FLYWCH2: variants seen among roughly 807,000 people sequenced by gnomAD.
FLYWCH2 encodes the protein FLYWCH family member 2.
FLYWCH2 carries 2 observed loss-of-function variants against 6.0 expected under a neutral mutation model. The ratio of observed to expected loss-of-function variants is 0.33; its 90% confidence interval spans 0.14 to 1.04. The LOEUF (loss-of-function observed/expected upper bound fraction) is 1.04, where lower values mean the gene tolerates loss of function less well. Among genes scored for constraint, FLYWCH2 ranks in the 50% least tolerant of loss-of-function variants. FLYWCH2 has a pLI of 0.45. For missense variants in FLYWCH2, 192 were observed against 183.4 expected (o/e 1.05, Z -0.27); for synonymous variants, 87 against 79.3 (o/e 1.10, Z -0.52).
At chr16:2,898,866 C>G (rs756636674) in intron 3 of FLYWCH2, 183 bp from the exon 4 acceptor site, 7 of 490,540 alleles carry the variant, frequency 1.4e-5, no homozygotes, top group Non-Finnish European at 2.5e-5. Flanking sequence ...CTTTTGTGGC[C>G]CTGGCCTGGT....
intron 1 of FLYWCH2, among the ~76,000 whole-genome samples, chr16:2,890,231 T>G (rs978147863): frequency 9.4e-4 from 37 of 39,458 alleles, no homozygotes; most frequent in Middle Eastern, 0.014. Context: ...TGTTTTTGTT[T>G]TTTTTTTTTT....
intron 1 of FLYWCH2, among the ~76,000 whole-genome samples, chr16:2,895,008 G>T (rs1485611043): frequency 6.6e-6 from 1 of 152,136 alleles, no homozygotes; most frequent in South Asian, 2.1e-4. Context: ...CAGGGGGCTA[G>T]GTGGCTGCCC....
rs751482839 is a variant in FLYWCH2, at chr16:2,896,417, G to C, written c.-33G>C. ...GAGAAATCCACCTGCTGGGGGCTGA[G>C]TGTGGCCTGAGGGACAGGCCCTGGG... is the stretch of plus-strand genomic sequence containing the variant. On this transcript the variant is annotated 5_prime_UTR_variant, in exon 3 of 4. Coordinates refer to ENST00000396958, the MANE Select transcript of FLYWCH2 (RefSeq NM_138439.3). 1.3e-6 allele frequency: 2 copies of C among 1,580,606 alleles called. No individual in the cohort carries two copies. The highest frequency in any genetic ancestry group is 1.7e-6 in the Non-Finnish European group (2 of 1,164,530).
intron 1 of FLYWCH2, among the ~76,000 whole-genome samples, chr16:2,893,016 A>G (rs1054715070): frequency 9.0e-6 from 1 of 111,484 alleles, no homozygotes; most frequent in South Asian, 2.2e-4. Flanking sequence ...TTATTTATAT[A>G]TATACACACA....
At position 2,896,802 on chromosome 16, in the gene FLYWCH2, C is replaced by T. The variant is rs532546570; in HGVS notation, c.322+31C>T. On this transcript the variant is annotated intron_variant, in intron 3 of 3. Coordinates refer to ENST00000396958, the MANE Select transcript of FLYWCH2 (RefSeq NM_138439.3). ...GCTCCACAGCGGCCCCCCAGGACAG[C>T]TCGGCACCTCCCAGGGTGGCCCCCA... is the stretch of plus-strand genomic sequence containing the variant. The T allele has an allele frequency of 3.1e-6, 5 of 1,588,158 alleles. No homozygotes were observed. The African/African-American group carries it at 6.7e-5, about 21-fold the overall frequency.
At position 2,896,566 on chromosome 16, in the gene FLYWCH2, C is replaced by A. The variant is rs759386532; in HGVS notation, c.117C>A (p.Phe39Leu). 1 of 1,614,200 alleles carries A rather than the reference C, an allele frequency of 6.2e-7. No homozygotes were observed. The change falls in exon 3 of 4, where the codon TTC becomes TTA. Residue 39 changes from phenylalanine (F) to leucine (L), a missense_variant. Physicochemically the swap from Phe to Leu is conservative, Grantham distance 22. Coordinates refer to ENST00000396958, the MANE Select transcript of FLYWCH2 (RefSeq NM_138439.3). Reference sequence around the variant, plus strand: ...CAGCCCCCAGGAAGCCCAGAAAGTTCTCCAAACTGGTCCTGCTCACAGCCT... The same window carrying A: ...CAGCCCCCAGGAAGCCCAGAAAGTTATCCAAACTGGTCCTGCTCACAGCCT... ...IPAAPRKPRKFSKLVLLTASK... is the reference protein window; with the variant it reads ...IPAAPRKPRKLSKLVLLTASK...
Position 2,886,806 on chromosome 16 carries a change from C to T in FLYWCH2, c.-200+3440C>T, listed in dbSNP as rs141088001. 6.6e-3 allele frequency among the ~76,000 whole-genome samples: 1,003 copies of T among 152,220 alleles called. 15 individuals are homozygous for T. Among genetic ancestry groups the T allele is most frequent in the African/African-American group, 0.023 (939 of 41,478 alleles). On this transcript the variant is annotated intron_variant, in intron 1 of 3. Transcript: ENST00000396958. ...AAAGTGCTGGGATTACAGGTGTGAG[C>T]CACCATGCCCAGCCGCCCATTTTTA...
In FLYWCH2 at chr16:2,899,260, TTTC is replaced by T; in HGVS notation, c.*114_*116del. On this transcript the variant is annotated 3_prime_UTR_variant, in exon 4 of 4. Coordinates refer to ENST00000396958, the MANE Select transcript of FLYWCH2 (RefSeq NM_138439.3). Reference sequence around the variant, plus strand: ...AATCTTTGCTTTTAACATTGTGTGATTTCTTTTCTTTTTTTTTTTTTTTTTAGA... The same window carrying T: ...AATCTTTGCTTTTAACATTGTGTGATTTTTCTTTTTTTTTTTTTTTTTAGA... 2.0e-6 allele frequency: 1 copy of T among 510,842 alleles called. No homozygotes were observed. The highest frequency in any genetic ancestry group is 3.4e-5 in the East Asian group (1 of 29,204). The allele number at this position is 510,842 out of a possible 1,614,324, so 31.6% of individuals were successfully genotyped here.
chr16:2,890,689 T>C (rs1326918156), intron 1 of FLYWCH2, among the ~76,000 whole-genome samples: 2 of 151,980 alleles, frequency 1.3e-5, no homozygotes, highest in Non-Finnish European at 2.9e-5. Context: ...CCCAAAGTGC[T>C]GGGATTACAG....
intron 1 of FLYWCH2, among the ~76,000 whole-genome samples, chr16:2,893,138 C>T (rs1037578573): frequency 3.9e-5 from 6 of 152,006 alleles, no homozygotes; most frequent in African/African-American, 1.5e-4. Context: ...TGGAAGCTCT[C>T]GGAACCCTCT....
chr16:2,884,725 T>C (rs12920023), intron 1 of FLYWCH2, among the ~76,000 whole-genome samples: 49,174 of 150,508 alleles, frequency 0.33, 8,151 homozygotes, highest in South Asian at 0.51. Flanking sequence ...AAATACAAAA[T>C]TAGCCGGGTG....
At chr16:2,894,662 G>A (rs1444697157) in intron 1 of FLYWCH2, among the ~76,000 whole-genome samples, 1 of 152,254 alleles carries the variant, frequency 6.6e-6, no homozygotes, top group East Asian at 1.9e-4. Flanking sequence ...GCAGTCATGT[G>A]ACTCGCCGCC....
At chr16:2,898,668 A>T in intron 3 of FLYWCH2, 1 of 182,608 alleles carries the variant, frequency 5.5e-6, no homozygotes. Flanking sequence ...TCGCCAGATG[A>T]AAGGCAGAGC....
intron 1 of FLYWCH2, among the ~76,000 whole-genome samples, chr16:2,889,181 A>G (rs1244504343): frequency 1.6e-5 from 2 of 124,578 alleles, no homozygotes; most frequent in East Asian, 2.2e-4. Flanking sequence ...GTATACAGTC[A>G]TTTTTCAATC....
rs2069826348 is a variant in FLYWCH2 at position 2,896,744 on chromosome 16, G to A, written c.295G>A (p.Glu99Lys). Residue 99 changes from glutamate (E) to lysine (K), a missense_variant, in exon 3 of 4, where the codon GAG becomes AAG. Physicochemically the swap from Glu to Lys is moderately conservative, Grantham distance 56. Transcript: ENST00000396958. ...RAIEAAPQEP[E>K]QKRSRQDPGT... ...CATTGAGGCAGCCCCTCAGGAGCCT[G>A]AGCAGAAACGGAGCAGGCAGGACCC... 3 of 1,611,374 alleles carry A rather than the reference G, an allele frequency of 1.9e-6. No homozygotes were observed. The highest frequency in any genetic ancestry group is 2.5e-6 in the Non-Finnish European group (3 of 1,179,834).
At chr16:2,884,855 C>T (rs1190570888) in intron 1 of FLYWCH2, among the ~76,000 whole-genome samples, 1 of 149,726 alleles carries the variant, frequency 6.7e-6, no homozygotes, top group African/African-American at 2.4e-5. Flanking sequence ...GCCTGGCCGA[C>T]AAGAGCGATA....
chr16:2,886,011 G>C (rs982421253), intron 1 of FLYWCH2, among the ~76,000 whole-genome samples: 1 of 152,006 alleles, frequency 6.6e-6, no homozygotes, highest in Non-Finnish European at 1.5e-5. Context: ...TCTGTTTTTT[G>C]TTTGTTTTAT....
chr16:2,893,123 G>A (rs1397071483), intron 1 of FLYWCH2, among the ~76,000 whole-genome samples: 5 of 151,876 alleles, frequency 3.3e-5, no homozygotes, highest in Admixed American at 6.6e-5. Flanking sequence ...GACTCCATGT[G>A]TTCCTGGAAG....
chr16:2,897,481 G>A (rs2069836685), intron 3 of FLYWCH2, among the ~76,000 whole-genome samples: 1 of 152,168 alleles, frequency 6.6e-6, no homozygotes, highest in African/African-American at 2.4e-5. Context: ...CTGTGGGAGT[G>A]ATGGGATGGA....
Sources: gnomAD v4.1 joint callset for allele counts (sites outside exome capture counted in the v4.1 genomes callset) on GRCh38, gnomAD v4.1.1 for gene constraint, MANE v1.5 for transcripts, NCBI Gene and HGNC (gene_info 2026-07-23, HGNC 2026-07-21) for gene names.